BBS2: variants seen among roughly 807,000 people sequenced by gnomAD.
The protein encoded by BBS2 is BBSome complex member BBS2.
Under a neutral mutation model 83.0 loss-of-function variants are expected in BBS2, and 62 were observed. The ratio of observed to expected loss-of-function variants is 0.75; its 90% confidence interval spans 0.61 to 0.92. BBS2 has a LOEUF of 0.92. Among genes scored for constraint, BBS2 ranks in the 40% least tolerant of loss-of-function variants. The pLI, the probability that BBS2 is intolerant of heterozygous loss-of-function variation, is 0.00. For missense variants in BBS2, 784 were observed against 901.0 expected (o/e 0.87, Z 1.66); for synonymous variants, 303 against 326.1 (o/e 0.93, Z 0.76).
At chr16:56,497,981 CAT>C (rs141690345) in intron 13 of BBS2, 101 bp from the exon 14 acceptor site, 10,858 of 1,079,830 alleles carry the variant, frequency 0.01, no homozygotes, top group East Asian at 0.011. Flanking sequence ...AATTATTGTG[CAT>C]ATATATATAT....
chr16:56,512,722 C>T (rs1964614099), intron 2 of BBS2, among the ~76,000 whole-genome samples: 1 of 152,138 alleles, frequency 6.6e-6, no homozygotes, highest in Non-Finnish European at 1.5e-5. Flanking sequence ...TGGGGTACAA[C>T]AATATTTTCT....
chr16:56,480,352 C>CACACACAAAAAAAAAAAAAAAAAAAAA (rs1289081468), downstream of BBS2, among the ~76,000 whole-genome samples: 1 of 76,592 alleles, frequency 1.3e-5, no homozygotes, highest in African/African-American at 7.2e-5. Flanking sequence ...CACACACACA[C>CACACACAAAAAAAAAAAAAAAAAAAAA]AAAAAAAAAA....
chr16:56,490,634 C>CT (rs1223305709), intron 15 of BBS2, among the ~76,000 whole-genome samples: 2 of 151,852 alleles, frequency 1.3e-5, no homozygotes, highest in Non-Finnish European at 2.9e-5. Context: ...GAGTGAGACT[C>CT]TGTCTCAAAA....
chr16:56,507,753 A>C (rs1321993749), intron 5 of BBS2, among the ~76,000 whole-genome samples: 1 of 152,172 alleles, frequency 6.6e-6, no homozygotes, highest in Non-Finnish European at 1.5e-5. Context: ...GGATCACCTG[A>C]GGTCAGGAGT....
At chr16:56,502,047 G>T in intron 9 of BBS2, 2 of 503,870 alleles carry the variant, frequency 4.0e-6, no homozygotes, top group Non-Finnish European at 7.2e-6. Flanking sequence ...TACTGCTGAC[G>T]AACATCTAAG....
At chr16:56,496,405 CTATCT>C (rs1187455537) in intron 15 of BBS2, among the ~76,000 whole-genome samples, 21 of 152,190 alleles carry the variant, frequency 1.4e-4, no homozygotes, top group Non-Finnish European at 1.6e-4. Flanking sequence ...GGAGAAAATA[CTATCT>C]TATATGATAA....
intron 2 of BBS2, among the ~76,000 whole-genome samples, chr16:56,511,542 C>A (rs1261587816): frequency 6.6e-6 from 1 of 152,102 alleles, no homozygotes; most frequent in African/African-American, 2.4e-5. Context: ...CTGACCTCCC[C>A]CAAGGAAGAA....
chr16:56,499,547 T>G, intron 12 of BBS2: 1 of 493,752 alleles, frequency 2.0e-6, no homozygotes, highest in Non-Finnish European at 3.7e-6. Flanking sequence ...TAAACACTGG[T>G]AAGAATTCAC....
At chr16:56,475,566 G>GTC in intron 17 of BBS2, 2 of 1,613,356 alleles carry the variant, frequency 1.2e-6, no homozygotes, top group East Asian at 2.2e-5. Context: ...AGATGAAGAG[G>GTC]TAAGTTTCTT....
intron 17 of BBS2, among the ~76,000 whole-genome samples, chr16:56,471,110 T>C (rs572387630): frequency 2.0e-5 from 3 of 151,702 alleles, no homozygotes; most frequent in Non-Finnish European, 4.4e-5. Context: ...CCAGCACTTT[T>C]GGAGGCGGAG....
intron 17 of BBS2, among the ~76,000 whole-genome samples, chr16:56,473,981 G>A (rs540730212): frequency 3.3e-5 from 5 of 152,076 alleles, no homozygotes; most frequent in African/African-American, 7.2e-5. Context: ...TAATATTTTC[G>A]TATTTTTAGT....
intron 5 of BBS2, among the ~76,000 whole-genome samples, 166 bp from the exon 6 acceptor site, chr16:56,506,390 A>G (rs1248687683): frequency 1.3e-5 from 2 of 152,228 alleles, no homozygotes; most frequent in African/African-American, 4.8e-5. Flanking sequence ...TCTACGATAC[A>G]TGTCATCTAC....
At chr16:56,502,098 G>A in intron 9 of BBS2, 1 of 656,124 alleles carries the variant, frequency 1.5e-6, no homozygotes, top group Admixed American at 2.4e-5. Flanking sequence ...AAATAGTGCT[G>A]CAGGAAATGT....
At chr16:56,494,316 C>T (rs1964050117) in intron 15 of BBS2, among the ~76,000 whole-genome samples, 1 of 151,440 alleles carries the variant, frequency 6.6e-6, no homozygotes, top group African/African-American at 2.4e-5. Context: ...GTAATAAAAT[C>T]GAAGAGCCTA....
chr16:56,492,179 G>T (rs1164142408), intron 15 of BBS2, among the ~76,000 whole-genome samples: 1 of 151,974 alleles, frequency 6.6e-6, no homozygotes, highest in Non-Finnish European at 1.5e-5. Flanking sequence ...CAAATGAACT[G>T]AAGACAAGAC....
At chr16:56,475,191 G>A (rs1963401167) in intron 17 of BBS2, among the ~76,000 whole-genome samples, 1 of 152,154 alleles carries the variant, frequency 6.6e-6, no homozygotes, top group Non-Finnish European at 1.5e-5. Context: ...TCCCCTAAGT[G>A]TGCTCCCAGA....
chr16:56,519,907 C>T lies in BBS2; in HGVS notation c.-45G>A, dbSNP rs550584563. The T allele has an allele frequency of 4.1e-4, 621 of 1,530,184 alleles. 12 individuals are homozygous for T. The South Asian group carries it at 6.7e-3, about 17-fold the overall frequency. The allele number at this position is 1,530,184 out of a possible 1,614,324, so 94.8% of individuals were successfully genotyped here. ...AGGAGGGCTGGAAGCTGGAGACAAGCGCAGCGGAGCTGGCCTCACGCGCCC... is the reference window on the plus strand; with the variant it reads ...AGGAGGGCTGGAAGCTGGAGACAAGTGCAGCGGAGCTGGCCTCACGCGCCC... On this transcript the variant is annotated 5_prime_UTR_variant, in exon 1 of 17. Transcript: ENST00000245157.
chr16:56,502,741 C>A lies in BBS2; in HGVS notation c.872G>T (p.Gly291Val). Residue 291 changes from glycine (G) to valine (V), a missense_variant, in exon 8 of 17, where the codon GGT (glycine) becomes GTT (valine). Coordinates refer to ENST00000245157, the MANE Select transcript of BBS2 (RefSeq NM_031885.5). ...CATCCGGTAATCTCCCTCTACCACACCGGCAATTGCAGAAGAAAAATTGTC... is the reference window on the plus strand; with the variant it reads ...CATCCGGTAATCTCCCTCTACCACAACGGCAATTGCAGAAGAAAAATTGTC... ...FKDNFSSAIA[G>V]VVEGDYRMDG... The A allele has an allele frequency of 6.2e-7, 1 of 1,614,206 alleles. No individual in the cohort carries two copies.
intron 5 of BBS2, 188 bp downstream of exon 5, chr16:56,509,767 AAT>A (rs763673721): frequency 1.2e-5 from 7 of 580,898 alleles, no homozygotes; most frequent in Non-Finnish European, 2.1e-5. Flanking sequence ...GTCTTTTCAA[AAT>A]ATATCTTAAT....
Sources: gnomAD v4.1 joint callset for allele counts (sites outside exome capture counted in the v4.1 genomes callset) on GRCh38, gnomAD v4.1.1 for gene constraint, MANE v1.5 for transcripts, NCBI Gene and HGNC (gene_info 2026-07-23, HGNC 2026-07-21) for gene names.